The following MBD5 variants were observed in gnomAD, a reference collection of about 807,000 sequenced individuals.
MBD5 encodes the protein methyl-CpG binding domain protein 5, also known as methyl-CpG-binding domain protein 5.
MBD5 carries 13 observed loss-of-function variants against 117.3 expected under a neutral mutation model. The observed-to-expected ratio is 0.11, with a 90% confidence interval of 0.07 to 0.18. The LOEUF (loss-of-function observed/expected upper bound fraction) is 0.18. Among genes scored for constraint, MBD5 ranks in the 10% least tolerant of loss-of-function variants. The pLI, the probability that MBD5 is intolerant of heterozygous loss-of-function variation, is 1.00. For synonymous variants in MBD5, 727 were observed against 766.4 expected (o/e 0.95, Z 0.85); for missense variants, 1,879 against 2,093.8 (o/e 0.90, Z 2.00).
At chr2:148,412,174 T>C (rs1015157136) in intron 4 of MBD5, among the ~76,000 whole-genome samples, 14 of 152,076 alleles carry the variant, frequency 9.2e-5, no homozygotes, top group African/African-American at 3.4e-4. Flanking sequence ...GGTGTGCAGC[T>C]TTACTTCTGG....
intron 1 of MBD5, among the ~76,000 whole-genome samples, chr2:148,142,564 G>A (rs143361916): frequency 6.6e-6 from 1 of 152,084 alleles, no homozygotes; most frequent in African/African-American, 2.4e-5. Flanking sequence ...TGTTTCTTGG[G>A]AAACAACTGG....
chr2:148,152,564 G>C (rs1158992977), intron 1 of MBD5, among the ~76,000 whole-genome samples: 5 of 152,018 alleles, frequency 3.3e-5, no homozygotes, highest in African/African-American at 9.7e-5. Flanking sequence ...TTATTAATGT[G>C]TGGGAGTCTA....
chr2:148,448,729 G>A (rs1355267493), intron 4 of MBD5, among the ~76,000 whole-genome samples: 1 of 151,756 alleles, frequency 6.6e-6, no homozygotes, highest in African/African-American at 2.4e-5. Flanking sequence ...GACATAATTT[G>A]CATTATTTTA....
chr2:148,413,648 A>C (rs375123836), intron 4 of MBD5, among the ~76,000 whole-genome samples: 1 of 151,334 alleles, frequency 6.6e-6, no homozygotes, highest in African/African-American at 2.4e-5. Context: ...TCAATTTCAG[A>C]ACTCATTATT....
At chr2:148,041,819 C>T (rs1055343845) in intron 1 of MBD5, among the ~76,000 whole-genome samples, 10 of 152,266 alleles carry the variant, frequency 6.6e-5, no homozygotes, top group African/African-American at 2.4e-4. Flanking sequence ...TCCTTTAATA[C>T]CTACTTGCTT....
At chr2:148,208,058 T>C (rs1699329732) in intron 2 of MBD5, among the ~76,000 whole-genome samples, 1 of 152,112 alleles carries the variant, frequency 6.6e-6, no homozygotes. Context: ...GCAGAGCCAT[T>C]CTCCTTCTAA....
chr2:148,446,280 T>C (rs984339389), intron 4 of MBD5, among the ~76,000 whole-genome samples: 1 of 152,160 alleles, frequency 6.6e-6, no homozygotes, highest in Non-Finnish European at 1.5e-5. Flanking sequence ...AACATGTAAG[T>C]CTTTAATCCA....
chr2:148,203,765 C>G (rs1455980420), intron 2 of MBD5, among the ~76,000 whole-genome samples: 6 of 148,064 alleles, frequency 4.1e-5, no homozygotes, highest in Non-Finnish European at 8.9e-5. Context: ...CTGCTGACAA[C>G]TCATCTCACC....
chr2:148,442,873 C>T (rs936721450), intron 4 of MBD5, among the ~76,000 whole-genome samples: 4 of 151,232 alleles, frequency 2.6e-5, no homozygotes, highest in African/African-American at 9.8e-5. Context: ...GCACAGGAAA[C>T]AAAAGCAAAA....
intron 4 of MBD5, among the ~76,000 whole-genome samples, chr2:148,378,838 G>T (rs1704057145): frequency 6.6e-6 from 1 of 152,026 alleles, no homozygotes; most frequent in South Asian, 2.1e-4. Flanking sequence ...CAAATGTATA[G>T]TTATTGGCTT....
rs567952704 is a variant in MBD5 at position 148,427,352 on chromosome 2, C to T, written c.-556-30851C>T. On this transcript the variant is annotated intron_variant, in intron 4 of 13. Coordinates refer to ENST00000642680, the MANE Select transcript of MBD5 (RefSeq NM_001378120.1). ...AAGCTGCTATAAAGACACATGCACA[C>T]GTATGTTTACTGCGGCACTATTCAC... 1.3e-4 allele frequency among the ~76,000 whole-genome samples: 20 copies of T among 152,240 alleles called. No homozygotes were observed. In the South Asian group the frequency reaches 4.2e-3, roughly 32 times the overall value.
intron 10 of MBD5, 49 bp from the exon 11 acceptor site, chr2:148,489,337 C>T (rs1574484016): frequency 1.2e-6 from 2 of 1,611,760 alleles, no homozygotes; most frequent in Non-Finnish European, 1.7e-6. Context: ...TCTTTGAGGC[C>T]TCAAAATTAT....
rs1057523369 is a variant in MBD5 at position 148,510,130 on chromosome 2, G to A, written c.5107G>A (p.Gly1703Arg). The A allele has an allele frequency of 4.4e-6, 7 of 1,604,538 alleles. No individual in the cohort carries two copies. Among genetic ancestry groups the A allele is most frequent in the Middle Eastern group, 3.4e-4 (2 of 5,892 alleles). ...EAMSELDKMSGTVHQIPQGDR... is the reference protein window; with the variant it reads ...EAMSELDKMSRTVHQIPQGDR... Reference sequence around the variant, plus strand: ...CATGAGTGAACTGGACAAAATGTCTGGGACTGTAAGTTAATTTATTTTTCC... The same window carrying A: ...CATGAGTGAACTGGACAAAATGTCTAGGACTGTAAGTTAATTTATTTTTCC... The change falls in exon 13 of 14, where the codon GGG (glycine) becomes AGG (arginine). Residue 1703 changes from glycine to arginine, a missense_variant. Transcript: ENST00000642680.
chr2:148,174,870 T>A (rs1200166196), intron 1 of MBD5, among the ~76,000 whole-genome samples: 1 of 151,526 alleles, frequency 6.6e-6, no homozygotes, highest in Admixed American at 6.6e-5. Context: ...AATGTACACA[T>A]GTGGAAAACT....
At chr2:148,495,453 T>C (rs1479242071) in intron 11 of MBD5, among the ~76,000 whole-genome samples, 1 of 152,214 alleles carries the variant, frequency 6.6e-6, no homozygotes, top group Non-Finnish European at 1.5e-5. Flanking sequence ...TCATTTTTAC[T>C]TTTTGAGCAT....
chr2:148,045,538 A>G (rs1694498387), intron 1 of MBD5, among the ~76,000 whole-genome samples: 1 of 152,194 alleles, frequency 6.6e-6, no homozygotes, highest in Non-Finnish European at 1.5e-5. Flanking sequence ...TTTAATCCTT[A>G]TCTGTGAGGT....
intron 1 of MBD5, among the ~76,000 whole-genome samples, chr2:148,066,419 T>C (rs1234399): frequency 0.14 from 20,673 of 152,006 alleles, 1,615 homozygotes; most frequent in African/African-American, 0.21. Flanking sequence ...TTCCTCACTA[T>C]AGTATTTAGT....
chr2:148,297,725 A>G (rs1701687722), intron 3 of MBD5, among the ~76,000 whole-genome samples: 1 of 152,142 alleles, frequency 6.6e-6, no homozygotes, highest in East Asian at 1.9e-4. Flanking sequence ...TTTGTTTAAT[A>G]ACTGATATCC....
intron 4 of MBD5, among the ~76,000 whole-genome samples, chr2:148,367,060 C>G (rs1703722775): frequency 6.6e-6 from 1 of 152,168 alleles, no homozygotes; most frequent in Admixed American, 6.5e-5. Flanking sequence ...AGGCTTCACA[C>G]TACCTGACTT....
Sources: allele counts gnomAD v4.1 joint callset (sites outside exome capture counted in the v4.1 genomes callset), GRCh38; gene constraint gnomAD v4.1.1; transcripts MANE v1.5; gene names NCBI Gene and HGNC (gene_info 2026-07-23, HGNC 2026-07-21).